The following CTNND2 variants were observed in gnomAD, a reference collection of about 807,000 sequenced individuals.
CTNND2 encodes the protein catenin delta-2.
CTNND2 carries 22 observed loss-of-function variants against 144.4 expected under a neutral mutation model. The observed-to-expected ratio is 0.15, with a 90% CI of 0.11 to 0.22. CTNND2 has a LOEUF of 0.22. CTNND2 is among the 10% of genes least tolerant of loss of function. The pLI, the probability that CTNND2 is intolerant of heterozygous loss-of-function variation, is 1.00. For missense variants in CTNND2, 1,353 were observed against 1,618.8 expected (o/e 0.84, Z 2.82); for synonymous variants, 751 against 695.6 (o/e 1.08, Z -1.25).
intron 7 of CTNND2, among the ~76,000 whole-genome samples, chr5:11,378,765 T>C (rs985694064): frequency 1.3e-5 from 2 of 152,150 alleles, no homozygotes; most frequent in Non-Finnish European, 1.5e-5. Context: ...ATTGCGAAGC[T>C]TTCATCTAGG....
At chr5:11,197,030 G>A (rs116210778) in intron 11 of CTNND2, among the ~76,000 whole-genome samples, 69 of 152,294 alleles carry the variant, frequency 4.5e-4, no homozygotes, top group African/African-American at 1.6e-3. Flanking sequence ...TGTCAGTAAG[G>A]AAACTCAGAA....
chr5:11,900,277 T>C (rs1737754698), intron 1 of CTNND2, among the ~76,000 whole-genome samples: 1 of 152,210 alleles, frequency 6.6e-6, no homozygotes, highest in Non-Finnish European at 1.5e-5. Context: ...CAATTAACCA[T>C]GATTCAGAGC....
At chr5:11,734,985 A>G (rs1483881631) in intron 1 of CTNND2, among the ~76,000 whole-genome samples, 1 of 152,218 alleles carries the variant, frequency 6.6e-6, no homozygotes, top group Non-Finnish European at 1.5e-5. Context: ...AAGGAATAAT[A>G]ATATCACCAA....
intron 9 of CTNND2, among the ~76,000 whole-genome samples, chr5:11,290,799 T>TA (rs1192061082): frequency 2.6e-5 from 4 of 152,272 alleles, no homozygotes; most frequent in African/African-American, 4.8e-5. Flanking sequence ...TGAGTCTTTT[T>TA]AAAAAACTCT....
intron 16 of CTNND2, among the ~76,000 whole-genome samples, chr5:11,060,268 A>C (rs542259403): frequency 1.3e-5 from 2 of 152,324 alleles, no homozygotes; most frequent in East Asian, 1.9e-4. Flanking sequence ...TCCATGGATA[A>C]ATAACTTGGC....
intron 15 of CTNND2, among the ~76,000 whole-genome samples, chr5:11,087,391 C>T (rs534684958): frequency 1.3e-5 from 2 of 152,036 alleles, no homozygotes; most frequent in African/African-American, 2.4e-5. Context: ...GCTGTATGCC[C>T]CAGATTATTC....
intron 11 of CTNND2, among the ~76,000 whole-genome samples, chr5:11,183,399 C>T (rs1231286241): frequency 6.6e-6 from 1 of 152,128 alleles, no homozygotes; most frequent in Non-Finnish European, 1.5e-5. Flanking sequence ...AAAGGATGCA[C>T]GTGATTGGCT....
chr5:11,388,630 C>A (rs1759322578), intron 6 of CTNND2, among the ~76,000 whole-genome samples: 1 of 152,180 alleles, frequency 6.6e-6, no homozygotes, highest in Admixed American at 6.5e-5. Context: ...TGAATAAAAA[C>A]AAAATTTGGG....
chr5:11,278,589 T>A (rs1746797632), intron 9 of CTNND2, among the ~76,000 whole-genome samples: 1 of 152,158 alleles, frequency 6.6e-6, no homozygotes, highest in Admixed American at 6.6e-5. Flanking sequence ...AGAAAATGTC[T>A]CCCTGGCTTC....
chr5:11,070,980 G>A (rs1432543286), intron 16 of CTNND2, among the ~76,000 whole-genome samples: 1 of 151,566 alleles, frequency 6.6e-6, no homozygotes, highest in Non-Finnish European at 1.5e-5. Context: ...GGAGGGAGGA[G>A]GAAGGGAGGA....
chr5:11,387,288 C>A (rs1294283457), intron 6 of CTNND2, among the ~76,000 whole-genome samples: 1 of 151,836 alleles, frequency 6.6e-6, no homozygotes, highest in Non-Finnish European at 1.5e-5. Flanking sequence ...GAATCATACC[C>A]CCACCATAAA....
chr5:11,857,812 CAT>C (rs201480065), intron 1 of CTNND2, among the ~76,000 whole-genome samples: 2,288 of 152,200 alleles, frequency 0.015, 57 homozygotes, highest in African/African-American at 0.049. Context: ...CGTGCATGAG[CAT>C]ATAAGAAAAG....
chr5:11,662,014 T>C (rs764069856), intron 2 of CTNND2, among the ~76,000 whole-genome samples: 1 of 150,336 alleles, frequency 6.7e-6, no homozygotes, highest in Non-Finnish European at 1.5e-5. Context: ...CACACATATA[T>C]ACACACACAC....
intron 20 of CTNND2, among the ~76,000 whole-genome samples, chr5:10,985,348 A>G (rs563998312): frequency 5.6e-4 from 85 of 152,344 alleles, no homozygotes; most frequent in Middle Eastern, 3.4e-3. Context: ...TGAATAGCCA[A>G]CTGGATTTCT....
intron 14 of CTNND2, among the ~76,000 whole-genome samples, chr5:11,109,244 C>T (rs1303496440): frequency 1.3e-5 from 2 of 152,130 alleles, no homozygotes; most frequent in Admixed American, 6.5e-5. Context: ...CACAGGAGCT[C>T]GTAGTCTGGT....
chr5:11,058,097 G>A (rs931363192), intron 16 of CTNND2, among the ~76,000 whole-genome samples: 3 of 152,212 alleles, frequency 2.0e-5, no homozygotes, highest in Non-Finnish European at 4.4e-5. Context: ...CTTGCAGTCT[G>A]ACAACGTGAT....
At chr5:10,990,355 TG>T (rs1308716512) in intron 19 of CTNND2, among the ~76,000 whole-genome samples, 1 of 152,214 alleles carries the variant, frequency 6.6e-6, no homozygotes, top group Non-Finnish European at 1.5e-5. Flanking sequence ...CAAGAACAAC[TG>T]AGTCCTTAGC....
chr5:11,705,657 G>C (rs1479592565), intron 2 of CTNND2, among the ~76,000 whole-genome samples: 2 of 152,182 alleles, frequency 1.3e-5, no homozygotes, highest in African/African-American at 2.4e-5. Flanking sequence ...CCTCTGAAGA[G>C]AGTGAACATC....
intron 9 of CTNND2, among the ~76,000 whole-genome samples, chr5:11,344,137 G>A (rs1754525354): frequency 6.6e-6 from 1 of 152,234 alleles, no homozygotes; most frequent in Non-Finnish European, 1.5e-5. Context: ...GGGCGCGGTG[G>A]CTCACGCCTG....
Sources: allele counts gnomAD v4.1 joint callset (sites outside exome capture counted in the v4.1 genomes callset), GRCh38; gene constraint gnomAD v4.1.1; transcripts MANE v1.5; gene names NCBI Gene and HGNC (gene_info 2026-07-23, HGNC 2026-07-21).